Variants in CNOT7 observed in about 807,000 individuals in gnomAD.
CNOT7 encodes BTG1-binding factor 1.
CNOT7 carries 4 observed loss-of-function variants against 37.1 expected under a neutral mutation model. That is an observed-to-expected ratio of 0.11 (90% CI 0.05 to 0.25). CNOT7 has a LOEUF of 0.25. Ranked by LOEUF, CNOT7 falls within the 10% of genes least tolerant of loss-of-function variation. The pLI is 1.00. For synonymous variants in CNOT7, 128 were observed against 115.6 expected (o/e 1.11, Z -0.69); for missense variants, 170 against 336.2 (o/e 0.51, Z 3.87).
rs1308436696 is a variant in CNOT7 at position 17,229,352 on chromosome 8, TAAAG to T, written c.*1364_*1367del. The T allele has an allele frequency of 6.6e-6, 1 of 152,290 alleles. No homozygotes were observed. The highest frequency in any genetic ancestry group is 1.9e-4 in the East Asian group (1 of 5,194). The allele number at this position is 152,290 out of a possible 1,614,324, so 9.4% of individuals were successfully genotyped here. ...AGTTACAGCACTGTAATATCATGAA[TAAAG>T]AATGTACAAGGGAGACAAACCAATG... is the stretch of plus-strand genomic sequence containing the variant. On this transcript the variant is annotated 3_prime_UTR_variant, in exon 7 of 7. Transcript: ENST00000361272.
At chr8:17,242,191 C>T (rs1484398225) in intron 3 of CNOT7, 5 of 152,060 alleles carry the variant, frequency 3.3e-5, no homozygotes, top group Admixed American at 2.6e-4. Context: ...GGTAGTGGCC[C>T]GGGTCAGGAA....
intron 4 of CNOT7, among the ~76,000 whole-genome samples, chr8:17,236,722 C>G (rs1675581953): frequency 6.6e-6 from 1 of 152,168 alleles, no homozygotes; most frequent in South Asian, 2.1e-4. Flanking sequence ...TAAAAACTGT[C>G]TGCCCACCCC....
intron 4 of CNOT7, among the ~76,000 whole-genome samples, chr8:17,236,173 T>A (rs959332099): frequency 6.6e-6 from 1 of 152,218 alleles, no homozygotes; most frequent in Non-Finnish European, 1.5e-5. Context: ...TTCTGGTTAG[T>A]ACACATCAAA....
Position 17,244,885 on chromosome 8 carries a change from A to G in CNOT7, c.117+151T>C, listed in dbSNP as rs1810685176. 1.4e-5 allele frequency: 9 copies of G among 642,810 alleles called. No homozygotes were observed. The South Asian group carries it at 1.7e-4, about 12-fold the overall frequency. The allele number at this position is 642,810 out of a possible 1,614,324, so 39.8% of individuals were successfully genotyped here. A position where few individuals can be genotyped will look rare whatever the true frequency, so the allele number is the denominator to read the frequency against. On this transcript the variant is annotated intron_variant, in intron 2 of 6. Coordinates refer to ENST00000361272, the MANE Select transcript of CNOT7 (RefSeq NM_013354.7). Reference sequence around the variant, plus strand: ...CTGTCAAATCACAGGTGTATTCCTGATGGATTTTGGCTGGAGGGCAGTGAC... The same window carrying G: ...CTGTCAAATCACAGGTGTATTCCTGGTGGATTTTGGCTGGAGGGCAGTGAC...
At chr8:17,232,001 T>C (rs1808699992) in intron 6 of CNOT7, 1 of 1,002,842 alleles carries the variant, frequency 1.0e-6, no homozygotes, top group Admixed American at 6.0e-5. Flanking sequence ...ATCACCAGTT[T>C]AAACCTTAAA....
At chr8:17,233,796 T>C (rs1322050478) in intron 5 of CNOT7, among the ~76,000 whole-genome samples, 2 of 152,230 alleles carry the variant, frequency 1.3e-5, no homozygotes, top group African/African-American at 2.4e-5. Context: ...GACCATATCA[T>C]GTATTAAAGG....
In CNOT7 at chr8:17,245,139, G is replaced by A. The variant is rs766330962; in HGVS notation, c.14C>T (p.Thr5Ile). 11 of 1,612,796 alleles carry A rather than the reference G, an allele frequency of 6.8e-6. No individual in the cohort carries two copies. The African/African-American group carries it at 1.5e-4, about 22-fold the overall frequency. The change falls in exon 2 of 7, where the codon ACT becomes ATT. Residue 5 changes from threonine (T) to isoleucine (I), a missense_variant. By Grantham distance (89) the Thr-to-Ile change is moderately conservative. Transcript: ENST00000361272. MPAATVDHSQRICEV... is the reference protein window; with the variant it reads MPAAIVDHSQRICEV... Reference sequence around the variant, plus strand: ...ACAAATTCTTTGGCTATGATCTACAGTTGCCGCTGGCATAGTGAGGGCACA... The same window carrying A: ...ACAAATTCTTTGGCTATGATCTACAATTGCCGCTGGCATAGTGAGGGCACA...
In CNOT7 at chr8:17,230,616, G is replaced by T. The variant is rs1195566635; in HGVS notation, c.*104C>A. 28 of 935,240 alleles carry T rather than the reference G, an allele frequency of 3.0e-5. No homozygotes were observed. The highest frequency in any genetic ancestry group is 3.8e-5 in the Non-Finnish European group (25 of 659,824). The allele number at this position is 935,240 out of a possible 1,614,324, so 57.9% of individuals were successfully genotyped here. A position where few individuals can be genotyped will look rare whatever the true frequency, so the allele number is the denominator to read the frequency against. On this transcript the variant is annotated 3_prime_UTR_variant, in exon 7 of 7. Coordinates refer to ENST00000361272, the MANE Select transcript of CNOT7 (RefSeq NM_013354.7). ...CAGACAATAAAATGGGCCATGAAAG[G>T]GGGGGGAAAGGTACTGTCTATTGTT...
At chr8:17,233,668 C>T (rs1808932561) in intron 5 of CNOT7, among the ~76,000 whole-genome samples, 1 of 152,144 alleles carries the variant, frequency 6.6e-6, no homozygotes, top group Non-Finnish European at 1.5e-5. Context: ...GGCTGAATTT[C>T]TCAAGCAAGG....
At position 17,230,211 on chromosome 8, in the gene CNOT7, T is replaced by C. The variant is rs1416807053; in HGVS notation, c.*509A>G. The C allele has an allele frequency of 6.6e-6, 1 of 152,508 alleles. No homozygotes were observed. Among genetic ancestry groups the C allele is most frequent in the Admixed American group, 6.6e-5 (1 of 15,242 alleles). 9.4% of individuals were successfully genotyped at this position (152,508 alleles called of 1,614,324 possible). On this transcript the variant is annotated 3_prime_UTR_variant, in exon 7 of 7. Transcript: ENST00000361272. Reference sequence around the variant, plus strand: ...AAAACCAAGTAAATACTGTGTAAAGTTGGCAGATTTTTCCAGCTAAGATCA... The same window carrying C: ...AAAACCAAGTAAATACTGTGTAAAGCTGGCAGATTTTTCCAGCTAAGATCA...
Position 17,230,235 on chromosome 8 carries a change from C to G in CNOT7, c.*485G>C, listed in dbSNP as rs1337532530. On this transcript the variant is annotated 3_prime_UTR_variant, in exon 7 of 7. Transcript: ENST00000361272. ...GTTGGCAGATTTTTCCAGCTAAGAT[C>G]AAGAAAAAACAAATTTTCTGATAAA... 6.6e-6 allele frequency: 1 copy of G among 152,368 alleles called. No homozygotes were observed. The highest frequency in any genetic ancestry group is 2.4e-5 in the African/African-American group (1 of 41,386). 9.4% of individuals were successfully genotyped at this position (152,368 alleles called of 1,614,324 possible).
rs112746854 is a variant in CNOT7, at chr8:17,245,385, A to G, written c.-95-138T>C. ...AAAAAAAAATCAAAGTTTAGAAAGTAACTTAAGGTCACACAGCTAGTCTAT... is the reference window on the plus strand; with the variant it reads ...AAAAAAAAATCAAAGTTTAGAAAGTGACTTAAGGTCACACAGCTAGTCTAT... On this transcript the variant is annotated intron_variant, in intron 1 of 6. Transcript: ENST00000361272. 2.8e-3 allele frequency: 1,108 copies of G among 402,496 alleles called. 18 individuals carry two copies. The highest frequency in any genetic ancestry group is 0.02 in the African/African-American group (987 of 48,418). 24.9% of individuals were successfully genotyped at this position (402,496 alleles called of 1,614,324 possible).
chr8:17,231,753 GTTCA>G (rs1293141103), intron 6 of CNOT7: 2 of 985,284 alleles, frequency 2.0e-6, no homozygotes, highest in Admixed American at 6.2e-5. Context: ...TAGATAATGG[GTTCA>G]TTTAGTTTCA....
rs36138757 is a variant in CNOT7 at position 17,225,974 on chromosome 8, G to GCAAA, written c.*4742_*4745dup. On this transcript the variant is annotated 3_prime_UTR_variant, in exon 7 of 7. Coordinates refer to ENST00000361272, the MANE Select transcript of CNOT7 (RefSeq NM_013354.7). The stretch of plus-strand genomic sequence containing the variant: ...TGCATTTGGCAATGCAGATGAAATA[G>GCAAA]CAAACAGGACAGACATAGACCCTTG... 0.43 allele frequency: 62,252 copies of GCAAA among 143,938 alleles called. 15,362 individuals are homozygous for GCAAA. The highest frequency in any genetic ancestry group is 0.85 in the East Asian group (4,208 of 4,968). The allele number at this position is 143,938 out of a possible 1,614,324, so 8.9% of individuals were successfully genotyped here. A position where few individuals can be genotyped will look rare whatever the true frequency, so the allele number is the denominator to read the frequency against.
At chr8:17,245,330 G>T in intron 1 of CNOT7, 83 bp from the exon 2 acceptor site, 4 of 560,668 alleles carry the variant, frequency 7.1e-6, no homozygotes, top group Non-Finnish European at 8.2e-6. Flanking sequence ...AACCTAAGAA[G>T]TTATTTATTC....
At chr8:17,235,014 T>A (rs985518329) in intron 4 of CNOT7, among the ~76,000 whole-genome samples, 154 bp from the exon 5 acceptor site, 7 of 151,948 alleles carry the variant, frequency 4.6e-5, no homozygotes, top group Middle Eastern at 3.4e-3. Flanking sequence ...AAAACAAACA[T>A]ATTGAGAACT....
rs192995174 is a variant in CNOT7 at position 17,231,571 on chromosome 8, A to G, written c.730-723T>C. ...CAATACATTGCTACAAAAAGTTTTA[A>G]ATTCTCAGTCTCAATTTAATGTCTA... On this transcript the variant is annotated intron_variant, in intron 6 of 6. Coordinates refer to ENST00000361272, the MANE Select transcript of CNOT7 (RefSeq NM_013354.7). 16 of 985,296 alleles carry G rather than the reference A, an allele frequency of 1.6e-5. No homozygotes were observed. In the East Asian group the frequency reaches 1.8e-3, roughly 112 times the overall value. The allele number at this position is 985,296 out of a possible 1,614,324, so 61.0% of individuals were successfully genotyped here. A position where few individuals can be genotyped will look rare whatever the true frequency, so the allele number is the denominator to read the frequency against.
rs1585845067 is a variant in CNOT7, at chr8:17,243,339, C to G, written c.118-154G>C. On this transcript the variant is annotated intron_variant, in intron 2 of 6. Coordinates refer to ENST00000361272, the MANE Select transcript of CNOT7 (RefSeq NM_013354.7). ...TATATTTTAACTAGAAAGAACATCA[C>G]TTTTTAGAACCATAAAACTCTATAA... is the stretch of plus-strand genomic sequence containing the variant. 1.5e-5 allele frequency: 10 copies of G among 655,352 alleles called. No homozygotes were observed. In the East Asian group the frequency reaches 2.7e-4, roughly 18 times the overall value. 40.6% of individuals were successfully genotyped at this position (655,352 alleles called of 1,614,324 possible). A position where few individuals can be genotyped will look rare whatever the true frequency, so the allele number is the denominator to read the frequency against.
At chr8:17,235,961 G>A (rs1391626146) in intron 4 of CNOT7, among the ~76,000 whole-genome samples, 1 of 152,060 alleles carries the variant, frequency 6.6e-6, no homozygotes, top group Non-Finnish European at 1.5e-5. Flanking sequence ...AAATGAAAGG[G>A]TATGTCATAT....
Sources: gnomAD v4.1 joint callset for allele counts (sites outside exome capture counted in the v4.1 genomes callset) on GRCh38, gnomAD v4.1.1 for gene constraint, MANE v1.5 for transcripts, NCBI Gene and HGNC (gene_info 2026-07-23, HGNC 2026-07-21) for gene names.